The following SNX31 variants were observed in gnomAD, a reference collection of about 807,000 sequenced individuals.
SNX31 encodes sorting nexin-31.
Under a neutral mutation model 65.4 loss-of-function variants are expected in SNX31, and 58 were observed. The observed-to-expected ratio is 0.89, with a 90% CI of 0.72 to 1.10. SNX31 has a LOEUF of 1.10. Among genes scored for constraint, SNX31 ranks in the 50% least tolerant of loss-of-function variants. SNX31 has a pLI of 0.00. For missense variants in SNX31, 523 were observed against 529.7 expected, an observed-to-expected ratio of 0.99 and a Z score of 0.12; for synonymous variants, 181 against 190.1, an observed-to-expected ratio of 0.95 and a Z score of 0.39.
In SNX31 at chr8:100,622,961, C is replaced by G. The variant is rs578020254; in HGVS notation, c.322-5231G>C. Among the ~76,000 whole-genome samples the G allele has an allele frequency of 2.0e-5, 3 of 152,364 alleles. No homozygotes were observed. The highest frequency in any genetic ancestry group is 2.9e-5 in the Non-Finnish European group (2 of 68,038). ...TGGCCAGGATGGACAAATCAGTTGGCAGCTGCACTCACCTTCCTTCCACCT... is the reference window on the plus strand; with the variant it reads ...TGGCCAGGATGGACAAATCAGTTGGGAGCTGCACTCACCTTCCTTCCACCT... On this transcript the variant is annotated intron_variant, in intron 4 of 13. Transcript: ENST00000311812. This position sits in a 1 kb window ranked among gnomAD's most constrained non-coding sequence, Gnocchi z 5.0.
intron 2 of SNX31, among the ~76,000 whole-genome samples, chr8:100,637,994 C>A (rs973259721): frequency 2.6e-5 from 4 of 152,182 alleles, no homozygotes; most frequent in Non-Finnish European, 2.9e-5. Context: ...CTGCACCCAG[C>A]CTAAAGTGAT....
chr8:100,659,981 T>C (rs995200394), intron 1 of SNX31, among the ~76,000 whole-genome samples: 1 of 152,064 alleles, frequency 6.6e-6, no homozygotes, highest in Non-Finnish European at 1.5e-5. Flanking sequence ...CTCTATATAA[T>C]GAAAAAGATA....
chr8:100,647,141 TA>T (rs1052358241), intron 2 of SNX31, among the ~76,000 whole-genome samples: 2 of 152,190 alleles, frequency 1.3e-5, no homozygotes, highest in African/African-American at 2.4e-5. Flanking sequence ...ATAGTTTCTT[TA>T]AAAATGTAGT....
chr8:100,618,576 T>A, intron 4 of SNX31: 1 of 543,962 alleles, frequency 1.8e-6, no homozygotes, highest in Non-Finnish European at 3.2e-6. Context: ...CAGCAGCAAA[T>A]ATGGGGCCCA....
At chr8:100,627,117 G>T (rs190496616) in intron 4 of SNX31, among the ~76,000 whole-genome samples, 3 of 152,212 alleles carry the variant, frequency 2.0e-5, no homozygotes. Flanking sequence ...ACTTTGGGAG[G>T]CTGAGGCGGG....
At chr8:100,654,734 C>T (rs145621643) in intron 1 of SNX31, among the ~76,000 whole-genome samples, 22 of 152,270 alleles carry the variant, frequency 1.4e-4, no homozygotes, top group African/African-American at 4.1e-4. Context: ...AAGATGGGGC[C>T]GGGTGCAGTG....
At chr8:100,617,302 T>A (rs1341285091) in intron 5 of SNX31, among the ~76,000 whole-genome samples, 1 of 152,166 alleles carries the variant, frequency 6.6e-6, no homozygotes, top group Non-Finnish European at 1.5e-5. Flanking sequence ...CGATGGGACA[T>A]CCAGTAATAA....
intron 4 of SNX31, among the ~76,000 whole-genome samples, chr8:100,624,632 C>T (rs1260895359): frequency 6.6e-6 from 1 of 152,042 alleles, no homozygotes; most frequent in Non-Finnish European, 1.5e-5. Context: ...GAGTGGAAAT[C>T]AAACAACAAT....
chr8:100,618,136 T>C (rs1018176993), intron 4 of SNX31: 2 of 985,288 alleles, frequency 2.0e-6, no homozygotes, highest in African/African-American at 3.5e-5. Context: ...TTGGTGCTCT[T>C]CTAGCATATG....
intron 2 of SNX31, among the ~76,000 whole-genome samples, chr8:100,644,778 C>T (rs181475253): frequency 2.6e-5 from 4 of 152,270 alleles, no homozygotes; most frequent in African/African-American, 9.6e-5. Context: ...AATTCTCGTG[C>T]CTCATTCTCC....
chr8:100,638,695 T>A (rs746801731), intron 2 of SNX31, among the ~76,000 whole-genome samples: 6 of 152,216 alleles, frequency 3.9e-5, no homozygotes, highest in Non-Finnish European at 7.3e-5. Context: ...CTAAACATAG[T>A]CTCACTCTAT....
intron 12 of SNX31, chr8:100,582,673 T>A (rs1423650727): frequency 6.6e-6 from 1 of 152,174 alleles, no homozygotes. Context: ...TAAATTTAAA[T>A]GAAAACATTA....
intron 2 of SNX31, among the ~76,000 whole-genome samples, chr8:100,645,558 A>ACTT (rs901658622): frequency 4.7e-5 from 7 of 150,532 alleles, no homozygotes; most frequent in African/African-American, 1.7e-4. Flanking sequence ...TAATTGGGAG[A>ACTT]CTTTGTATTT....
At chr8:100,658,542 A>G (rs1459831370) in intron 1 of SNX31, among the ~76,000 whole-genome samples, 2 of 152,102 alleles carry the variant, frequency 1.3e-5, no homozygotes, top group Non-Finnish European at 2.9e-5. Context: ...AGGGCACTTT[A>G]CAATATTACT....
At chr8:100,621,957 T>C (rs1817728515) in intron 4 of SNX31, among the ~76,000 whole-genome samples, 3 of 152,182 alleles carry the variant, frequency 2.0e-5, no homozygotes, top group African/African-American at 4.8e-5. Flanking sequence ...GGAAGCTCTG[T>C]GAGAATAAAG....
chr8:100,647,152 T>C (rs1258624942), intron 2 of SNX31, among the ~76,000 whole-genome samples: 1 of 152,150 alleles, frequency 6.6e-6, no homozygotes, highest in Non-Finnish European at 1.5e-5. Context: ...AAAAATGTAG[T>C]AGTTTGTATA....
rs1386209672 is a variant in SNX31, at chr8:100,578,088, GCAGCCC to G, written c.1171-1019_1171-1014del. Among the ~76,000 whole-genome samples, 1 of 152,204 alleles carries G rather than the reference GCAGCCC, an allele frequency of 6.6e-6. No homozygotes were observed. Among genetic ancestry groups the G allele is most frequent in the Middle Eastern group, 3.2e-3 (1 of 316 alleles). On this transcript the variant is annotated intron_variant, in intron 12 of 13. Coordinates refer to ENST00000311812, the MANE Select transcript of SNX31 (RefSeq NM_152628.4). The surrounding 1 kb of genome is among the most constrained non-coding windows in gnomAD (Gnocchi z 4.7). Reference sequence around the variant, plus strand: ...CATTCAGACATGTCCTGGGCTGCATGCAGCCCGCAGGCTGTGGGTTGGACAAGCTTG... The same window carrying G: ...CATTCAGACATGTCCTGGGCTGCATGGCAGGCTGTGGGTTGGACAAGCTTG...
Position 100,596,635 on chromosome 8 carries a change from T to A in SNX31, c.978+4A>T, listed in dbSNP as rs934585498. ...TGGGCAAAGCAAGGTGCCAAGATAC[T>A]CACAAGGAAAGTGACCTGCCAGCAC... On this transcript the variant is annotated splice_donor_region_variant and intron_variant, in intron 10 of 13. Coordinates refer to ENST00000311812, the MANE Select transcript of SNX31 (RefSeq NM_152628.4). The A allele has an allele frequency of 2.5e-6, 4 of 1,613,684 alleles. No individual in the cohort carries two copies. The highest frequency in any genetic ancestry group is 3.4e-6 in the Non-Finnish European group (4 of 1,179,620).
chr8:100,623,489 C>G (rs575854446), intron 4 of SNX31, among the ~76,000 whole-genome samples: 3 of 152,268 alleles, frequency 2.0e-5, no homozygotes, highest in South Asian at 4.2e-4. Flanking sequence ...CCCCAGGACT[C>G]CAGCCACACT....
Sources: allele counts gnomAD v4.1 joint callset (sites outside exome capture counted in the v4.1 genomes callset), GRCh38; gene constraint gnomAD v4.1.1; non-coding constraint Gnocchi (gnomAD v3.1); transcripts MANE v1.5; gene names NCBI Gene and HGNC (gene_info 2026-07-23, HGNC 2026-07-21).